The following GPHN variants were observed in gnomAD, a reference collection of about 807,000 sequenced individuals.
The protein encoded by GPHN is gephyrin.
In GPHN, 17 loss-of-function variants were observed where a neutral mutation model predicts 95.5. That is an observed-to-expected ratio of 0.18 (90% CI 0.12 to 0.27). The LOEUF is 0.27. Ranked by LOEUF, GPHN falls within the 10% of genes least tolerant of loss-of-function variation. The pLI is 1.00. For missense variants in GPHN, 660 were observed against 978.1 expected, an observed-to-expected ratio of 0.67 and a Z score of 4.34; for synonymous variants, 320 against 322.5, an observed-to-expected ratio of 0.99 and a Z score of 0.08.
At chr14:67,426,160 A>G in the GPHN span, among the ~76,000 whole-genome samples, 1 of 152,100 alleles carries the variant, frequency 6.6e-6, no homozygotes. Flanking sequence ...AATATTCAGT[A>G]TGACTCTCAG....
At chr14:67,030,813 A>G (rs1400370042) in intron 10 of GPHN, among the ~76,000 whole-genome samples, 1 of 152,182 alleles carries the variant, frequency 6.6e-6, no homozygotes, top group Non-Finnish European at 1.5e-5. Context: ...ACCAGAATCT[A>G]TCACCATGAC....
intron 12 of GPHN, among the ~76,000 whole-genome samples, chr14:67,100,220 G>A (rs1050855044): frequency 6.6e-6 from 1 of 152,004 alleles, no homozygotes; most frequent in African/African-American, 2.4e-5. Flanking sequence ...TTTAGTCCTA[G>A]CTCTACCATT....
chr14:66,527,001 G>A (rs1012928262), intron 1 of GPHN, among the ~76,000 whole-genome samples: 2 of 152,154 alleles, frequency 1.3e-5, no homozygotes, highest in African/African-American at 2.4e-5. Flanking sequence ...AAATGAGTTA[G>A]GGAGGATTCC....
the GPHN span, among the ~76,000 whole-genome samples, chr14:67,346,504 G>A: frequency 1.3e-5 from 2 of 152,158 alleles, no homozygotes; most frequent in Admixed American, 6.5e-5. Context: ...GGGTGGAGAC[G>A]GGGTTTCACC....
chr14:67,272,591 CTT>C, the GPHN span, among the ~76,000 whole-genome samples: 1 of 152,196 alleles, frequency 6.6e-6, no homozygotes, highest in African/African-American at 2.4e-5. Flanking sequence ...TCCTTTACCT[CTT>C]TCTCTTATTC....
the GPHN span, chr14:67,388,212 G>A: frequency 1.1e-4 from 168 of 1,595,862 alleles, no homozygotes; most frequent in Middle Eastern, 2.7e-3. Context: ...CAGGGCTGAA[G>A]TTGTACCTTA....
At chr14:67,079,260 G>A (rs1009553513) in intron 11 of GPHN, among the ~76,000 whole-genome samples, 11 of 151,886 alleles carry the variant, frequency 7.2e-5, no homozygotes, top group Non-Finnish European at 1.0e-4. Flanking sequence ...GACATGTGTA[G>A]CCATCACCAC....
chr14:67,645,730 A>G, the GPHN span: 1 of 1,613,946 alleles, frequency 6.2e-7, no homozygotes, highest in South Asian at 1.1e-5. Context: ...ACATCAACAC[A>G]CCCCTTACCA....
downstream of GPHN, among the ~76,000 whole-genome samples, chr14:67,183,972 G>T (rs902358844): frequency 6.6e-6 from 1 of 151,912 alleles, no homozygotes; most frequent in South Asian, 2.1e-4. Flanking sequence ...TTCCATCTCA[G>T]CCTCCTGAGT....
intron 16 of GPHN, among the ~76,000 whole-genome samples, chr14:67,113,917 T>C (rs1595195709): frequency 1.3e-5 from 2 of 152,194 alleles, no homozygotes; most frequent in African/African-American, 2.4e-5. Flanking sequence ...TCAGAAACTA[T>C]TGAGATTTTT....
chr14:67,683,516 G>A, the GPHN span, among the ~76,000 whole-genome samples: 5 of 152,120 alleles, frequency 3.3e-5, no homozygotes, highest in African/African-American at 1.2e-4. Context: ...CTTTGTTTCG[G>A]CAATAGCAAC....
At chr14:66,580,670 A>C (rs1370928210) in intron 1 of GPHN, among the ~76,000 whole-genome samples, 1 of 151,846 alleles carries the variant, frequency 6.6e-6, no homozygotes, top group South Asian at 2.1e-4. Flanking sequence ...AAGGAAGTTG[A>C]ATCAGCAGTC....
At chr14:66,778,754 T>TTTG (rs1204290696) in intron 3 of GPHN, among the ~76,000 whole-genome samples, 14 of 131,956 alleles carry the variant, frequency 1.1e-4, no homozygotes, top group African/African-American at 3.7e-4. Context: ...TTTTTTTTTT[T>TTTG]GAGACAGTCT....
chr14:67,349,800 T>C, the GPHN span, among the ~76,000 whole-genome samples: 2 of 152,208 alleles, frequency 1.3e-5, no homozygotes, highest in Non-Finnish European at 2.9e-5. Context: ...CTCCACCCTC[T>C]GCTAGAAAAT....
At chr14:67,560,544 G>C in the GPHN span, among the ~76,000 whole-genome samples, 1,535 of 152,010 alleles carry the variant, frequency 0.01, 31 homozygotes, top group African/African-American at 0.036. Flanking sequence ...TTCCCCCATC[G>C]CCTGGTAACC....
intron 17 of GPHN, among the ~76,000 whole-genome samples, chr14:67,138,937 C>T (rs993205174): frequency 8.8e-6 from 1 of 113,424 alleles, no homozygotes; most frequent in African/African-American, 3.5e-5. Context: ...GAGACTAGGT[C>T]TAGGGCCAGG....
intron 17 of GPHN, among the ~76,000 whole-genome samples, chr14:67,127,214 T>G (rs1467773963): frequency 6.6e-6 from 1 of 151,386 alleles, no homozygotes; most frequent in Non-Finnish European, 1.5e-5. Context: ...GTAACTAACC[T>G]GCACAATGTG....
intron 8 of GPHN, among the ~76,000 whole-genome samples, chr14:66,947,044 T>C (rs2067799831): frequency 6.6e-6 from 1 of 152,264 alleles, no homozygotes; most frequent in Admixed American, 6.5e-5. Context: ...AATGGATTCT[T>C]ATCACATTCA....
chr14:67,041,221 T>A (rs1409364440), intron 10 of GPHN, among the ~76,000 whole-genome samples: 2 of 151,846 alleles, frequency 1.3e-5, no homozygotes, highest in Non-Finnish European at 2.9e-5. Context: ...TCTTTTTTTT[T>A]ATTTTTTTTA....
Sources: gnomAD v4.1 joint callset for allele counts (sites outside exome capture counted in the v4.1 genomes callset) on GRCh38, gnomAD v4.1.1 for gene constraint, MANE v1.5 for transcripts, NCBI Gene and HGNC (gene_info 2026-07-23, HGNC 2026-07-21) for gene names.